UST: variants seen among roughly 807,000 people sequenced by gnomAD.
UST encodes the protein uronyl 2-sulfotransferase.
Under a neutral mutation model 45.6 loss-of-function variants are expected in UST, and 21 were observed. That is an observed-to-expected ratio of 0.46 (90% CI 0.33 to 0.66). The LOEUF (loss-of-function observed/expected upper bound fraction) is 0.66, where lower values mean the gene tolerates loss of function less well. Among genes scored for constraint, UST ranks in the 30% least tolerant of loss-of-function variants. UST has a pLI of 0.02. For synonymous variants in UST, 215 were observed against 200.6 expected (o/e 1.07, Z -0.61); for missense variants, 463 against 512.4 (o/e 0.90, Z 0.93).
chr6:148,788,701 A>C (rs1041950970), intron 1 of UST, among the ~76,000 whole-genome samples: 1 of 152,232 alleles, frequency 6.6e-6, no homozygotes, highest in African/African-American at 2.4e-5. Flanking sequence ...GATGCCAGGC[A>C]TCTAGAATAA....
At position 148,947,319 on chromosome 6, in the gene UST, TA is replaced by T. The variant is rs773040357; in HGVS notation, c.447+5891del. Among the ~76,000 whole-genome samples the T allele has an allele frequency of 2.6e-5, 4 of 152,164 alleles. No individual in the cohort carries two copies. In the South Asian group the frequency reaches 6.2e-4, roughly 24 times the overall value. On this transcript the variant is annotated intron_variant, in intron 3 of 7. Transcript: ENST00000367463. ...GGAACACTAGGCATACATGGGTTAA[TA>T]AAAAATTGTTCTTAATCACGATAGG...
intron 2 of UST, among the ~76,000 whole-genome samples, chr6:148,906,446 G>T (rs1779362395): frequency 6.6e-6 from 1 of 152,184 alleles, no homozygotes; most frequent in African/African-American, 2.4e-5. Context: ...ACTGATCTGG[G>T]CTTGTCATCT....
Position 148,947,645 on chromosome 6 carries a change from TCTC to T in UST, c.447+6215_447+6217del, listed in dbSNP as rs1236874149. Among the ~76,000 whole-genome samples, 7 of 152,340 alleles carry T rather than the reference TCTC, an allele frequency of 4.6e-5. No homozygotes were observed. The South Asian group carries it at 1.2e-3, about 27-fold the overall frequency. ...GTCCCTGAAGATTTATGAAGTGTTG[TCTC>T]CTCATGAGCCTCTCTCTTTATCCCA... On this transcript the variant is annotated intron_variant, in intron 3 of 7. Coordinates refer to ENST00000367463, the MANE Select transcript of UST (RefSeq NM_005715.3).
chr6:148,765,150 G>T (rs943434777), intron 1 of UST, among the ~76,000 whole-genome samples: 1 of 152,150 alleles, frequency 6.6e-6, no homozygotes, highest in African/African-American at 2.4e-5. Flanking sequence ...CTGTTATCCT[G>T]TTCTTAAGGT....
At chr6:148,962,675 G>A (rs17729143) in intron 4 of UST, among the ~76,000 whole-genome samples, 17,761 of 152,170 alleles carry the variant, frequency 0.12, 1,288 homozygotes, top group Middle Eastern at 0.2. Context: ...AACAAGATTC[G>A]CATTGCAAGG....
At chr6:148,776,563 G>A (rs1358048151) in intron 1 of UST, among the ~76,000 whole-genome samples, 3 of 152,126 alleles carry the variant, frequency 2.0e-5, no homozygotes, top group Non-Finnish European at 2.9e-5. Flanking sequence ...TTTGAAAAGA[G>A]GTAAAGAGAG....
intron 4 of UST, among the ~76,000 whole-genome samples, chr6:148,962,490 G>T (rs952655010): frequency 8.5e-5 from 13 of 152,206 alleles, no homozygotes; most frequent in Non-Finnish European, 7.3e-5. Context: ...TGTCTTCCTA[G>T]TCCCTAGCTT....
At chr6:148,819,856 C>A (rs1447059241) in intron 1 of UST, among the ~76,000 whole-genome samples, 1 of 152,126 alleles carries the variant, frequency 6.6e-6, no homozygotes, top group Non-Finnish European at 1.5e-5. Context: ...TTAAGAGTAG[C>A]CTTATTATCT....
At chr6:149,034,895 T>C (rs1447214885) in intron 7 of UST, among the ~76,000 whole-genome samples, 2 of 122,024 alleles carry the variant, frequency 1.6e-5, no homozygotes, top group African/African-American at 3.1e-5. Context: ...TCTCTCTCTC[T>C]CCTTGGATTG....
intron 5 of UST, among the ~76,000 whole-genome samples, chr6:148,965,336 G>C (rs956362239): frequency 6.6e-6 from 1 of 152,188 alleles, no homozygotes; most frequent in Non-Finnish European, 1.5e-5. Flanking sequence ...CTGACAGCCT[G>C]GTGCCCAGGA....
chr6:148,906,023 T>C (rs1260873320), intron 2 of UST, among the ~76,000 whole-genome samples: 1 of 150,092 alleles, frequency 6.7e-6, no homozygotes, highest in Non-Finnish European at 1.5e-5. Flanking sequence ...GTACTAATTA[T>C]GTGTACCTAG....
intron 2 of UST, among the ~76,000 whole-genome samples, chr6:148,935,753 G>A (rs1780012935): frequency 6.6e-6 from 1 of 152,168 alleles, no homozygotes. Context: ...GGGGAAGGAG[G>A]GAAGGGAAAA....
At chr6:149,013,251 T>C (rs950262698) in intron 5 of UST, among the ~76,000 whole-genome samples, 5 of 152,314 alleles carry the variant, frequency 3.3e-5, no homozygotes, top group African/African-American at 1.2e-4. Context: ...ATAAAACTAT[T>C]CTTAAAAGTT....
At chr6:148,757,678 G>A (rs1354454088) in intron 1 of UST, among the ~76,000 whole-genome samples, 1 of 152,176 alleles carries the variant, frequency 6.6e-6, no homozygotes, top group Non-Finnish European at 1.5e-5. Flanking sequence ...ACCTTTAACT[G>A]TACTGCATTT....
intron 1 of UST, among the ~76,000 whole-genome samples, chr6:148,848,620 G>T (rs370978135): frequency 1.2e-3 from 174 of 149,260 alleles, no homozygotes; most frequent in African/African-American, 4.2e-3. Context: ...GCAGTGAGCC[G>T]AGATCGCACC....
Position 148,747,552 on chromosome 6 carries a change from T to C in UST, c.122T>C (p.Leu41Pro). 6.4e-7 allele frequency: 1 copy of C among 1,568,720 alleles called. No homozygotes were observed. Among genetic ancestry groups the C allele is most frequent in the Non-Finnish European group, 8.6e-7 (1 of 1,159,154 alleles). Reference sequence around the variant, plus strand: ...CGTCGGGTGCCCCTGCTGCCTTTCCTGCGCTTCTCCCTCCGGGACTACGGC... The same window carrying C: ...CGTCGGGTGCCCCTGCTGCCTTTCCCGCGCTTCTCCCTCCGGGACTACGGC... ...WKRRVPLLPF[L>P]RFSLRDYGFC... The change falls in exon 1 of 8, where the codon CTG (leucine) becomes CCG (proline). Residue 41 changes from leucine to proline, a missense_variant. By Grantham distance (98) the Leu-to-Pro change is moderately conservative. Around this residue, in one of 2 missense-constraint regions of UST, gnomAD observed 176 missense variants for 138.3 expected, o/e 1.27. Transcript: ENST00000367463.
Position 148,748,387 on chromosome 6 carries a change from T to A in UST, c.247+710T>A, listed in dbSNP as rs1775918355. 1.4e-5 allele frequency among the ~76,000 whole-genome samples: 2 copies of A among 147,424 alleles called. No homozygotes were observed. Among genetic ancestry groups the A allele is most frequent in the Non-Finnish European group, 3.0e-5 (2 of 67,400 alleles). On this transcript the variant is annotated intron_variant, in intron 1 of 7. Transcript: ENST00000367463. The surrounding 1 kb of genome is among the most constrained non-coding windows in gnomAD (Gnocchi z 5.3). ...CCTCGGCGCTGTGTGCGTCTCAAGC[T>A]CAAGTCAAAACTTGTGTGTGTGTGT... is the stretch of plus-strand genomic sequence containing the variant.
At chr6:148,929,019 A>G (rs759990485) in intron 2 of UST, among the ~76,000 whole-genome samples, 1 of 152,236 alleles carries the variant, frequency 6.6e-6, no homozygotes, top group Non-Finnish European at 1.5e-5. Flanking sequence ...ACAGCCATGG[A>G]TCCTTCGCAC....
chr6:148,755,135 T>C (rs1042488438), intron 1 of UST, among the ~76,000 whole-genome samples: 5 of 152,178 alleles, frequency 3.3e-5, no homozygotes, highest in African/African-American at 9.7e-5. Flanking sequence ...GCCGATGAGC[T>C]CAGCAGGAGA....
Sources: allele counts gnomAD v4.1 joint callset (sites outside exome capture counted in the v4.1 genomes callset), GRCh38; gene constraint gnomAD v4.1.1; regional missense constraint gnomAD v4.1.1; non-coding constraint Gnocchi (gnomAD v3.1); transcripts MANE v1.5; gene names NCBI Gene and HGNC (gene_info 2026-07-23, HGNC 2026-07-21).